The following CFAP20DC variants were observed in gnomAD, a reference collection of about 807,000 sequenced individuals.
CFAP20DC encodes the protein CFAP20 domain containing.
A neutral mutation model predicts 101.7 loss-of-function variants in CFAP20DC; 84 were observed. The ratio of observed to expected loss-of-function variants is 0.83; its 90% CI spans 0.69 to 0.99. The LOEUF (loss-of-function observed/expected upper bound fraction) is 0.99. CFAP20DC is among the 50% of genes least tolerant of loss of function. The probability of loss-of-function intolerance (pLI) is 0.00; values close to 1 mark genes in which losing one functional copy is unlikely to be tolerated. For missense variants in CFAP20DC, 1,007 were observed against 970.3 expected, an observed-to-expected ratio of 1.04 and a Z score of -0.50; for synonymous variants, 359 against 351.2, an observed-to-expected ratio of 1.02 and a Z score of -0.25.
intron 15 of CFAP20DC, among the ~76,000 whole-genome samples, chr3:58,763,834 C>T (rs901694881): frequency 1.3e-5 from 2 of 152,152 alleles, no homozygotes; most frequent in Non-Finnish European, 2.9e-5. Flanking sequence ...GTATCAGCAG[C>T]GGAGGCTGCA....
chr3:59,008,289 A>C (rs2093487451), intron 4 of CFAP20DC, among the ~76,000 whole-genome samples: 1 of 152,164 alleles, frequency 6.6e-6, no homozygotes, highest in South Asian at 2.1e-4. Flanking sequence ...TTTCCTGGTG[A>C]CCTGGCATGG....
chr3:58,787,505 A>T (rs116225373), intron 15 of CFAP20DC, among the ~76,000 whole-genome samples: 3,197 of 152,222 alleles, frequency 0.021, 120 homozygotes, highest in African/African-American at 0.072. Flanking sequence ...AGAATAAATT[A>T]AAAAACCAAC....
In CFAP20DC at chr3:59,002,766, A is replaced by G. The variant is rs1368598451; in HGVS notation, c.278+36791T>C. Among the ~76,000 whole-genome samples the G allele has an allele frequency of 6.6e-6, 1 of 152,204 alleles. No homozygotes were observed. The highest frequency in any genetic ancestry group is 6.5e-5 in the Admixed American group (1 of 15,278). On this transcript the variant is annotated intron_variant, in intron 4 of 16. Coordinates refer to ENST00000482387, the MANE Select transcript of CFAP20DC (RefSeq NM_001394063.1). This position sits in a 1 kb window ranked among gnomAD's most constrained non-coding sequence, Gnocchi z 4.5. ...AGAGATGTTATTTTAAGTAAATATAAAAAAGAGAGCATTTGTGACCTTCTT... is the reference window on the plus strand; with the variant it reads ...AGAGATGTTATTTTAAGTAAATATAGAAAAGAGAGCATTTGTGACCTTCTT...
rs775145018 is a variant in CFAP20DC at position 59,001,560 on chromosome 3, C to T, written c.278+37997G>A. 3.3e-5 allele frequency among the ~76,000 whole-genome samples: 5 copies of T among 152,162 alleles called. No individual in the cohort carries two copies. Among genetic ancestry groups the T allele is most frequent in the African/African-American group, 1.2e-4 (5 of 41,438 alleles). On this transcript the variant is annotated intron_variant, in intron 4 of 16. Coordinates refer to ENST00000482387, the MANE Select transcript of CFAP20DC (RefSeq NM_001394063.1). The surrounding 1 kb of genome is among the most constrained non-coding windows in gnomAD (Gnocchi z 4.5). ...CCGAATAGCTGGGATTATAGGCATGCGCCACCACGCCCAGCTAATTTTGTA... is the reference window on the plus strand; with the variant it reads ...CCGAATAGCTGGGATTATAGGCATGTGCCACCACGCCCAGCTAATTTTGTA...
intron 15 of CFAP20DC, among the ~76,000 whole-genome samples, chr3:58,762,362 C>T (rs1341390623): frequency 6.6e-6 from 1 of 152,114 alleles, no homozygotes; most frequent in Non-Finnish European, 1.5e-5. Flanking sequence ...ATTGCAACCC[C>T]CGCATTTTTT....
chr3:58,716,696 G>T (rs895013464), downstream of CFAP20DC, among the ~76,000 whole-genome samples: 1 of 152,122 alleles, frequency 6.6e-6, no homozygotes, highest in Non-Finnish European at 1.5e-5. Context: ...ATCCCTATCT[G>T]CCACTGACAT....
chr3:58,757,062 T>A (rs556929556), intron 15 of CFAP20DC, among the ~76,000 whole-genome samples: 5 of 152,236 alleles, frequency 3.3e-5, no homozygotes, highest in African/African-American at 1.2e-4. Context: ...AGGTAAATCC[T>A]GAAAAGGTAA....
intron 15 of CFAP20DC, 126 bp downstream of exon 15, chr3:58,806,269 A>G (rs1231171418): frequency 4.5e-6 from 3 of 671,190 alleles, no homozygotes; most frequent in Non-Finnish European, 7.9e-6. Flanking sequence ...ATGAACTAGG[A>G]CTTTGAAAGA....
intron 16 of CFAP20DC, among the ~76,000 whole-genome samples, chr3:58,745,051 T>G (rs2068100582): frequency 6.6e-6 from 1 of 152,160 alleles, no homozygotes; most frequent in South Asian, 2.1e-4. Flanking sequence ...GCACAGTTTC[T>G]AATTAAGAAC....
rs542515303 is a variant in CFAP20DC at position 58,964,393 on chromosome 3, T to C, written c.279-26631A>G. 2.6e-5 allele frequency among the ~76,000 whole-genome samples: 4 copies of C among 152,332 alleles called. No homozygotes were observed. In the East Asian group the frequency reaches 7.7e-4, roughly 29 times the overall value. On this transcript the variant is annotated intron_variant, in intron 4 of 16. Transcript: ENST00000482387. This position sits in a 1 kb window ranked among gnomAD's most constrained non-coding sequence, Gnocchi z 4.1. Reference sequence around the variant, plus strand: ...TGGGCATGTAACGTGTATGTTTCCTTATCACTCATGCACACAACCCTTTTC... The same window carrying C: ...TGGGCATGTAACGTGTATGTTTCCTCATCACTCATGCACACAACCCTTTTC...
At chr3:58,967,349 T>C (rs1382435614) in intron 4 of CFAP20DC, among the ~76,000 whole-genome samples, 2 of 152,154 alleles carry the variant, frequency 1.3e-5, no homozygotes, top group Non-Finnish European at 2.9e-5. Flanking sequence ...TCTCACATCA[T>C]ATACACAAAT....
chr3:58,814,590 T>C (rs1482426385), intron 14 of CFAP20DC, among the ~76,000 whole-genome samples: 4 of 151,508 alleles, frequency 2.6e-5, no homozygotes, highest in African/African-American at 4.9e-5. Context: ...GATGACATGA[T>C]TGTATATCTA....
chr3:59,028,704 C>G (rs1328456584), intron 4 of CFAP20DC, among the ~76,000 whole-genome samples: 1 of 152,090 alleles, frequency 6.6e-6, no homozygotes, highest in East Asian at 1.9e-4. Flanking sequence ...GGTTTCAGTT[C>G]CCTCAAATAA....
At position 59,022,864 on chromosome 3, in the gene CFAP20DC, T is replaced by A. The variant is rs147493320; in HGVS notation, c.278+16693A>T. ...GTTTTTATCTAAGAGCCAACTGTGG[T>A]GTTCCATAGCTTTAGTATGGCCTTG... On this transcript the variant is annotated intron_variant, in intron 4 of 16. Coordinates refer to ENST00000482387, the MANE Select transcript of CFAP20DC (RefSeq NM_001394063.1). Among the ~76,000 whole-genome samples, 35 of 152,274 alleles carry A rather than the reference T, an allele frequency of 2.3e-4. No individual in the cohort carries two copies. In the East Asian group the frequency reaches 5.0e-3, roughly 22 times the overall value.
At chr3:58,819,099 C>A (rs1304983325) in intron 14 of CFAP20DC, among the ~76,000 whole-genome samples, 2 of 148,164 alleles carry the variant, frequency 1.3e-5, no homozygotes, top group East Asian at 4.2e-4. Context: ...CCAACGAGAA[C>A]AAAGACACAA....
At chr3:58,813,895 C>G (rs1490118874) in intron 14 of CFAP20DC, among the ~76,000 whole-genome samples, 1 of 151,896 alleles carries the variant, frequency 6.6e-6, no homozygotes. Context: ...TTTGATCTCA[C>G]TAGAGAAATA....
At chr3:58,936,009 T>G (rs2087534058) in intron 5 of CFAP20DC, among the ~76,000 whole-genome samples, 1 of 152,156 alleles carries the variant, frequency 6.6e-6, no homozygotes, top group Non-Finnish European at 1.5e-5. Context: ...GGAGAAAATT[T>G]TCACAACCTA....
At chr3:58,803,028 G>A (rs2073823065) in intron 15 of CFAP20DC, among the ~76,000 whole-genome samples, 3 of 152,006 alleles carry the variant, frequency 2.0e-5, no homozygotes, top group Admixed American at 2.0e-4. Flanking sequence ...TGGTTATTCT[G>A]TTACATTAAT....
At chr3:58,967,664 G>C (rs999256406) in intron 4 of CFAP20DC, among the ~76,000 whole-genome samples, 3 of 152,056 alleles carry the variant, frequency 2.0e-5, no homozygotes, top group Non-Finnish European at 2.9e-5. Flanking sequence ...AATCAACAAC[G>C]AAAAGATAAT....
Sources: gnomAD v4.1 joint callset for allele counts (sites outside exome capture counted in the v4.1 genomes callset) on GRCh38, gnomAD v4.1.1 for gene constraint, Gnocchi (gnomAD v3.1) non-coding constraint, MANE v1.5 for transcripts, NCBI Gene and HGNC (gene_info 2026-07-23, HGNC 2026-07-21) for gene names.